Variants in ADGB observed in about 807,000 individuals in gnomAD.
ADGB encodes calpain-7-like protein.
A neutral mutation model predicts 210.5 loss-of-function variants in ADGB; 172 were observed. The ratio of observed to expected loss-of-function variants is 0.82; its 90% confidence interval spans 0.72 to 0.93. ADGB has a LOEUF of 0.93. Among genes scored for constraint, ADGB ranks in the 40% least tolerant of loss-of-function variants. The probability of loss-of-function intolerance (pLI) is 0.00; values close to 1 mark genes in which losing one functional copy is unlikely to be tolerated. For missense variants in ADGB, 2,025 were observed against 1,964.8 expected (o/e 1.03, Z -0.58); for synonymous variants, 658 against 662.7 (o/e 0.99, Z 0.11).
intron 1 of ADGB, among the ~76,000 whole-genome samples, chr6:146,623,873 CATTG>C (rs1446633899): frequency 1.4e-4 from 21 of 151,944 alleles, no homozygotes; most frequent in Admixed American, 2.6e-4. Context: ...GGATGAATTA[CATTG>C]ATTGATTATC....
At chr6:146,664,139 A>G in intron 5 of ADGB, 62 bp from the exon 6 acceptor site, 1 of 1,437,182 alleles carries the variant, frequency 7.0e-7, no homozygotes, top group Non-Finnish European at 9.3e-7. Context: ...ACGTGCAATC[A>G]TTTACGAGAG....
At chr6:146,640,492 C>T (rs918737802) in intron 2 of ADGB, among the ~76,000 whole-genome samples, 9 of 152,010 alleles carry the variant, frequency 5.9e-5, no homozygotes, top group Admixed American at 2.0e-4. Context: ...TCTTGATGAA[C>T]ATCGATGCAA....
intron 29 of ADGB, among the ~76,000 whole-genome samples, chr6:146,775,900 A>T (rs975494024): frequency 2.0e-5 from 3 of 152,046 alleles, no homozygotes; most frequent in African/African-American, 7.2e-5. Flanking sequence ...TTTGTTCTAA[A>T]CAAGTATTCT....
At chr6:146,614,227 T>C (rs7742328) in intron 1 of ADGB, among the ~76,000 whole-genome samples, 11,948 of 118,152 alleles carry the variant, frequency 0.1, 543 homozygotes, top group East Asian at 0.21. Context: ...CTCCCTTCCT[T>C]CCTTCCTTCC....
intron 10 of ADGB, among the ~76,000 whole-genome samples, chr6:146,688,230 G>A (rs993223591): frequency 6.6e-6 from 1 of 152,014 alleles, no homozygotes; most frequent in Admixed American, 6.6e-5. Context: ...CACGTAGTAG[G>A]TGTAGGTGAA....
intron 1 of ADGB, among the ~76,000 whole-genome samples, chr6:146,611,536 G>A (rs1341209864): frequency 1.3e-5 from 2 of 152,180 alleles, no homozygotes; most frequent in East Asian, 3.9e-4. Context: ...TTCATGGCAA[G>A]AGTGGACCAC....
intron 22 of ADGB, 113 bp downstream of exon 22, chr6:146,734,143 C>G: frequency 3.9e-6 from 4 of 1,032,222 alleles, no homozygotes; most frequent in South Asian, 3.4e-5. Context: ...TAATTTCAGT[C>G]CTCTAAATAA....
chr6:146,812,842 T>C (rs946431143), intron 35 of ADGB, among the ~76,000 whole-genome samples: 3 of 152,208 alleles, frequency 2.0e-5, no homozygotes, highest in African/African-American at 7.2e-5. Context: ...ACTTGGACAG[T>C]GAAGCTTTTT....
At chr6:146,646,543 T>C (rs1047982120) in intron 3 of ADGB, among the ~76,000 whole-genome samples, 1 of 151,938 alleles carries the variant, frequency 6.6e-6, no homozygotes, top group Non-Finnish European at 1.5e-5. Context: ...TGCCCAGGAG[T>C]CAAGACTCTG....
chr6:146,690,631 A>G lies in ADGB; in HGVS notation c.1312-485A>G, dbSNP rs181125999. ...AATCATGTGTAATCATGGGGATCTT[A>G]TGTGGAGGAACACATTGTTAGGGGA... On this transcript the variant is annotated intron_variant, in intron 10 of 35. Coordinates refer to ENST00000397944, the MANE Select transcript of ADGB (RefSeq NM_024694.4). 3.4e-3 allele frequency among the ~76,000 whole-genome samples: 515 copies of G among 152,296 alleles called. 2 individuals carry two copies. The highest frequency in any genetic ancestry group is 0.012 in the African/African-American group (481 of 41,578).
At chr6:146,622,803 T>C (rs1186520989) in intron 1 of ADGB, among the ~76,000 whole-genome samples, 2 of 152,066 alleles carry the variant, frequency 1.3e-5, no homozygotes, top group Non-Finnish European at 2.9e-5. Flanking sequence ...TGGCATATCT[T>C]AGGTCACAAA....
intron 13 of ADGB, among the ~76,000 whole-genome samples, chr6:146,708,656 A>G (rs1409438728): frequency 1.3e-5 from 2 of 152,042 alleles, no homozygotes; most frequent in Non-Finnish European, 2.9e-5. Context: ...GATTTTTGAC[A>G]GTTTGATTAC....
chr6:146,751,896 C>T (rs1047090165), intron 26 of ADGB, among the ~76,000 whole-genome samples: 2 of 151,990 alleles, frequency 1.3e-5, no homozygotes, highest in African/African-American at 4.8e-5. Flanking sequence ...AATAAAAGTT[C>T]TATTTCCTTT....
chr6:146,731,921 C>A (rs950550444), intron 20 of ADGB, among the ~76,000 whole-genome samples: 1 of 152,052 alleles, frequency 6.6e-6, no homozygotes, highest in East Asian at 1.9e-4. Flanking sequence ...GGGAGAGAGG[C>A]CAATCTTACT....
At chr6:146,667,050 T>A in intron 7 of ADGB, 148 bp downstream of exon 7, 1 of 561,656 alleles carries the variant, frequency 1.8e-6, no homozygotes. Context: ...TTATATAAAG[T>A]TCCTTGGGAA....
chr6:146,651,681 C>A (rs1775704523), intron 3 of ADGB, among the ~76,000 whole-genome samples: 1 of 152,074 alleles, frequency 6.6e-6, no homozygotes, highest in African/African-American at 2.4e-5. Flanking sequence ...TTCATAACTC[C>A]ACTTAAGCAG....
chr6:146,761,449 T>A (rs1562294677), intron 27 of ADGB, among the ~76,000 whole-genome samples: 1 of 152,072 alleles, frequency 6.6e-6, no homozygotes, highest in Non-Finnish European at 1.5e-5. Context: ...TCTAAATAAC[T>A]ACTCTTCCTC....
intron 3 of ADGB, among the ~76,000 whole-genome samples, chr6:146,648,202 T>C (rs552061913): frequency 1.3e-5 from 2 of 152,220 alleles, no homozygotes; most frequent in African/African-American, 4.8e-5. Flanking sequence ...CTATCTCTCT[T>C]TTATTTACCT....
intron 17 of ADGB, among the ~76,000 whole-genome samples, chr6:146,723,078 A>G (rs1218463670): frequency 1.3e-5 from 2 of 152,170 alleles, no homozygotes; most frequent in Non-Finnish European, 2.9e-5. Context: ...AAATATCGTC[A>G]ATGTTTTGAA....
Sources: allele counts gnomAD v4.1 joint callset (sites outside exome capture counted in the v4.1 genomes callset), GRCh38; gene constraint gnomAD v4.1.1; transcripts MANE v1.5; gene names NCBI Gene and HGNC (gene_info 2026-07-23, HGNC 2026-07-21).